The following FAM117B variants were observed in gnomAD, a reference collection of about 807,000 sequenced individuals.
The protein encoded by FAM117B is protein FAM117B.
A neutral mutation model predicts 52.8 loss-of-function variants in FAM117B; 22 were observed. The ratio of observed to expected loss-of-function variants is 0.42; its 90% CI spans 0.30 to 0.59. The LOEUF is 0.59. FAM117B is among the 20% of genes least tolerant of loss of function. The pLI is 0.22. For missense variants in FAM117B, 678 were observed against 802.6 expected, an observed-to-expected ratio of 0.84 and a Z score of 1.88; for synonymous variants, 309 against 324.1, an observed-to-expected ratio of 0.95 and a Z score of 0.50.
At position 202,693,379 on chromosome 2, in the gene FAM117B, C is replaced by T. The variant is rs542760826; in HGVS notation, c.602-2502C>T. ...ATCCCAGCACTTTGGGAAGCTGAGG[C>T]GGGCGAGTCACTTGAGATCAGGAGT... On this transcript the variant is annotated intron_variant, in intron 1 of 7. Coordinates refer to ENST00000392238, the MANE Select transcript of FAM117B (RefSeq NM_173511.4). Among the ~76,000 whole-genome samples, 6 of 152,232 alleles carry T rather than the reference C, an allele frequency of 3.9e-5. No homozygotes were observed. In the East Asian group the frequency reaches 7.7e-4, roughly 20 times the overall value.
intron 1 of FAM117B, among the ~76,000 whole-genome samples, chr2:202,680,521 AAAG>A (rs1690447261): frequency 6.6e-6 from 1 of 152,316 alleles, no homozygotes; most frequent in South Asian, 2.1e-4. Flanking sequence ...GAATAAACAC[AAAG>A]AAGACCATAC....
chr2:202,722,870 A>C, intron 2 of FAM117B, among the ~76,000 whole-genome samples: 1 of 152,282 alleles, frequency 6.6e-6, no homozygotes, highest in East Asian at 1.9e-4. Flanking sequence ...TAAATTTTAT[A>C]GTATTAAGTT....
intron 1 of FAM117B, among the ~76,000 whole-genome samples, chr2:202,667,493 T>C (rs577593258): frequency 1.3e-5 from 2 of 152,312 alleles, no homozygotes; most frequent in African/African-American, 4.8e-5. Context: ...TGTGTGTGCG[T>C]GCGCGCGCAT....
At chr2:202,668,275 A>G (rs1690239703) in intron 1 of FAM117B, among the ~76,000 whole-genome samples, 1 of 146,592 alleles carries the variant, frequency 6.8e-6, no homozygotes, top group South Asian at 2.1e-4. Context: ...ATATAAAAAT[A>G]TTTATATATT....
intron 4 of FAM117B, among the ~76,000 whole-genome samples, chr2:202,749,906 C>G (rs1691697189): frequency 6.6e-6 from 1 of 152,068 alleles, no homozygotes. Flanking sequence ...GTTCTTAAGT[C>G]TATTGAAAAC....
At chr2:202,748,103 G>A (rs1463278125) in intron 4 of FAM117B, among the ~76,000 whole-genome samples, 4 of 151,972 alleles carry the variant, frequency 2.6e-5, no homozygotes, top group Non-Finnish European at 5.9e-5. Context: ...ATGGATCCAC[G>A]GAACAGAATA....
At chr2:202,743,621 G>T (rs181318303) in intron 4 of FAM117B, among the ~76,000 whole-genome samples, 78 of 132,188 alleles carry the variant, frequency 5.9e-4, no homozygotes, top group East Asian at 2.5e-3. Context: ...ACATACAAAA[G>T]AACACAAACA....
chr2:202,766,722 T>C lies in FAM117B; in HGVS notation c.*958T>C, dbSNP rs60626957. ...TATATATCACACGCTCTCCCTCCTT[T>C]ACCACAGGTGTCATTCTACCTTTAA... is the stretch of plus-strand genomic sequence containing the variant. On this transcript the variant is annotated 3_prime_UTR_variant, in exon 8 of 8. Transcript: ENST00000392238. The C allele has an allele frequency of 0.49, 74,357 of 151,982 alleles. 18,891 individuals are homozygous for C. The highest frequency in any genetic ancestry group is 0.62 in the Middle Eastern group (181 of 292). 9.4% of individuals were successfully genotyped at this position (151,982 alleles called of 1,614,324 possible).
In FAM117B at chr2:202,765,336, G is replaced by T. The variant is rs1317084504; in HGVS notation, c.1452-110G>T. 5 of 1,069,196 alleles carry T rather than the reference G, an allele frequency of 4.7e-6. No homozygotes were observed. The East Asian group carries it at 1.2e-4, about 27-fold the overall frequency. The allele number at this position is 1,069,196 out of a possible 1,614,324, so 66.2% of individuals were successfully genotyped here. On this transcript the variant is annotated intron_variant, in intron 7 of 7. Coordinates refer to ENST00000392238, the MANE Select transcript of FAM117B (RefSeq NM_173511.4). The stretch of plus-strand genomic sequence containing the variant: ...GAGTTTTATATTCCTTTTCTGTGAT[G>T]TAAGTTAACTGTTTTTAAAAAATAA...
intron 1 of FAM117B, among the ~76,000 whole-genome samples, chr2:202,672,867 G>A (rs1002879910): frequency 6.6e-6 from 1 of 151,918 alleles, no homozygotes; most frequent in Non-Finnish European, 1.5e-5. Flanking sequence ...GCAAGGCTTT[G>A]TCTCTACAAA....
rs574070531 is a variant in FAM117B at position 202,715,122 on chromosome 2, C to T, written c.754-9795C>T. On this transcript the variant is annotated intron_variant, in intron 2 of 7. Coordinates refer to ENST00000392238, the MANE Select transcript of FAM117B (RefSeq NM_173511.4). ...CAGAAGGGGCAGCCGGGCAGAGGCG[C>T]CCCCCACCTCCCGGACGGGGCGGCT... is the stretch of plus-strand genomic sequence containing the variant. Among the ~76,000 whole-genome samples, 9 of 151,726 alleles carry T rather than the reference C, an allele frequency of 5.9e-5. No homozygotes were observed. In the South Asian group the frequency reaches 1.9e-3, roughly 32 times the overall value.
At chr2:202,715,953 G>A (rs1443182067) in intron 2 of FAM117B, among the ~76,000 whole-genome samples, 8 of 151,192 alleles carry the variant, frequency 5.3e-5, no homozygotes, top group Admixed American at 2.6e-4. Context: ...GTGGTGGCGC[G>A]TGCCTGCAAT....
At chr2:202,642,763 T>C (rs1293891124) in intron 1 of FAM117B, among the ~76,000 whole-genome samples, 3 of 152,280 alleles carry the variant, frequency 2.0e-5, no homozygotes, top group Non-Finnish European at 4.4e-5. Context: ...ATGCTAGGCA[T>C]TTACATGTGG....
chr2:202,676,712 G>T (rs1690384553), intron 1 of FAM117B, among the ~76,000 whole-genome samples: 1 of 152,054 alleles, frequency 6.6e-6, no homozygotes, highest in Non-Finnish European at 1.5e-5. Flanking sequence ...AAGTTTTGGG[G>T]TAATTTTTTC....
In FAM117B at chr2:202,667,498, G is replaced by A. The variant is rs555843360; in HGVS notation, c.602-28383G>A. ...TGTCTGTGTTTGTGTGTGCGTGCGC[G>A]CGCATGTGCTGTCTCTTTTTCCATA... is the stretch of plus-strand genomic sequence containing the variant. On this transcript the variant is annotated intron_variant, in intron 1 of 7. Coordinates refer to ENST00000392238, the MANE Select transcript of FAM117B (RefSeq NM_173511.4). Among the ~76,000 whole-genome samples the A allele has an allele frequency of 7.4e-4, 113 of 152,030 alleles. 1 individual carries two copies. The highest frequency in any genetic ancestry group is 2.4e-3 in the African/African-American group (101 of 41,502).
Position 202,760,196 on chromosome 2 carries a change from A to G in FAM117B, c.1451+843A>G, listed in dbSNP as rs1691864387. ...TCAGCTAATATCCACTTGTTACTCA[A>G]ATTTCTTTAGTTGTTTGCAGAATGT... On this transcript the variant is annotated intron_variant, in intron 7 of 7. Transcript: ENST00000392238. 2.6e-5 allele frequency among the ~76,000 whole-genome samples: 4 copies of G among 152,122 alleles called. No individual in the cohort carries two copies. The South Asian group carries it at 8.3e-4, about 32-fold the overall frequency.
intron 4 of FAM117B, among the ~76,000 whole-genome samples, chr2:202,730,016 C>G (rs900935589): frequency 6.6e-6 from 1 of 152,046 alleles, no homozygotes; most frequent in African/African-American, 2.4e-5. Flanking sequence ...AAATGATGGC[C>G]TCTAGTAGGG....
At chr2:202,663,580 CTTT>C (rs11368989) in intron 1 of FAM117B, among the ~76,000 whole-genome samples, 1 of 138,946 alleles carries the variant, frequency 7.2e-6, no homozygotes, top group African/African-American at 2.7e-5. Context: ...CACATTAAGC[CTTT>C]TTTTTTTTTT....
intron 4 of FAM117B, among the ~76,000 whole-genome samples, chr2:202,741,067 A>C (rs1026604389): frequency 6.6e-6 from 1 of 152,204 alleles, no homozygotes; most frequent in African/African-American, 2.4e-5. Context: ...ACTTCTGTTT[A>C]CATTGTACTA....
Sources: allele counts gnomAD v4.1 joint callset (sites outside exome capture counted in the v4.1 genomes callset), GRCh38; gene constraint gnomAD v4.1.1; transcripts MANE v1.5; gene names NCBI Gene and HGNC (gene_info 2026-07-23, HGNC 2026-07-21).